The following ATOSA variants were observed in gnomAD, a reference collection of about 807,000 sequenced individuals.
ATOSA encodes the protein atos homolog protein A.
At chr15:52,600,254 A>G in the ATOSA span, 2 of 1,484,216 alleles carry the variant, frequency 1.3e-6, no homozygotes, top group Non-Finnish European at 1.9e-6. Context: ...AAAACAAATC[A>G]GCAAAAGAAC....
chr15:52,633,587 G>A, the ATOSA span, among the ~76,000 whole-genome samples: 6 of 151,978 alleles, frequency 3.9e-5, no homozygotes, highest in African/African-American at 1.2e-4. Flanking sequence ...CACACAGAAA[G>A]CAAGCGCCAG....
the ATOSA span, among the ~76,000 whole-genome samples, chr15:52,613,498 C>A: frequency 6.6e-6 from 1 of 152,182 alleles, no homozygotes; most frequent in Non-Finnish European, 1.5e-5. Context: ...CTTCAAGAGC[C>A]TCATTTGAGA....
the ATOSA span, among the ~76,000 whole-genome samples, chr15:52,654,582 G>T: frequency 0.01 from 1,572 of 152,104 alleles, 26 homozygotes; most frequent in African/African-American, 0.036. Context: ...CTGCTCCTCC[G>T]GAACACACTT....
the ATOSA span, among the ~76,000 whole-genome samples, chr15:52,631,978 C>T: frequency 2.6e-4 from 40 of 152,072 alleles, no homozygotes; most frequent in African/African-American, 8.9e-4. Context: ...TGGCCTCAAG[C>T]GATCCTCCAG....
At chr15:52,594,335 A>C in the ATOSA span, among the ~76,000 whole-genome samples, 2 of 152,190 alleles carry the variant, frequency 1.3e-5, no homozygotes, top group Non-Finnish European at 2.9e-5. Context: ...CTCCTTATCC[A>C]TCCCTCCCCC....
At chr15:52,583,491 T>C in the ATOSA span, among the ~76,000 whole-genome samples, 1 of 152,266 alleles carries the variant, frequency 6.6e-6, no homozygotes, top group African/African-American at 2.4e-5. Flanking sequence ...GTTCAAGTGA[T>C]TCTCCTGCCT....
At chr15:52,606,674 A>G in the ATOSA span, among the ~76,000 whole-genome samples, 1 of 152,204 alleles carries the variant, frequency 6.6e-6, no homozygotes, top group African/African-American at 2.4e-5. Flanking sequence ...AGATCATAAG[A>G]ACCGAACATT....
the ATOSA span, among the ~76,000 whole-genome samples, chr15:52,607,526 G>A: frequency 6.6e-6 from 1 of 152,136 alleles, no homozygotes; most frequent in African/African-American, 2.4e-5. Context: ...TCAAGAGACT[G>A]GGGTGGGGGC....
At chr15:52,628,486 A>G in the ATOSA span, among the ~76,000 whole-genome samples, 2 of 152,204 alleles carry the variant, frequency 1.3e-5, no homozygotes, top group Non-Finnish European at 2.9e-5. Flanking sequence ...TAAAATGGGT[A>G]CTAATACCTT....
At chr15:52,674,883 G>C in the ATOSA span, among the ~76,000 whole-genome samples, 1 of 150,462 alleles carries the variant, frequency 6.6e-6, no homozygotes, top group African/African-American at 2.4e-5. Context: ...CAATATATAA[G>C]CATTTGTAAT....
the ATOSA span, among the ~76,000 whole-genome samples, chr15:52,691,455 A>C: frequency 5.3e-5 from 8 of 152,244 alleles, no homozygotes; most frequent in African/African-American, 1.9e-4. Context: ...TATCAGGTTT[A>C]TATGTAATTT....
At chr15:52,602,079 T>C in the ATOSA span, among the ~76,000 whole-genome samples, 1 of 152,236 alleles carries the variant, frequency 6.6e-6, no homozygotes, top group Non-Finnish European at 1.5e-5. Context: ...GAACATCTCA[T>C]TCTCTTTATG....
chr15:52,698,333 G>A, the ATOSA span, among the ~76,000 whole-genome samples: 3 of 151,994 alleles, frequency 2.0e-5, no homozygotes, highest in Admixed American at 1.3e-4. Context: ...TGATACAATT[G>A]TTTTGAAAAA....
the ATOSA span, among the ~76,000 whole-genome samples, chr15:52,597,639 G>T: frequency 1.3e-5 from 2 of 152,134 alleles, no homozygotes; most frequent in African/African-American, 4.8e-5. Context: ...ATTTCCAATG[G>T]TTGTATTATG....
chr15:52,585,877 T>C, the ATOSA span: 1 of 152,170 alleles, frequency 6.6e-6, no homozygotes, highest in Non-Finnish European at 1.5e-5. Context: ...ATGAGAAATA[T>C]ATCAATATCA....
the ATOSA span, among the ~76,000 whole-genome samples, chr15:52,644,761 C>T: frequency 4.9e-4 from 74 of 152,086 alleles, no homozygotes; most frequent in African/African-American, 1.6e-3. Flanking sequence ...AATGATTAGG[C>T]AATCACTAAA....
At chr15:52,651,807 T>C in the ATOSA span, 1 of 1,488,548 alleles carries the variant, frequency 6.7e-7, no homozygotes, top group Non-Finnish European at 9.0e-7. Context: ...AGCCAACTGG[T>C]AAACAGCTAC....
chr15:52,610,468 T>C, the ATOSA span: 1 of 1,395,234 alleles, frequency 7.2e-7, no homozygotes, highest in Non-Finnish European at 9.6e-7. Flanking sequence ...TGTAAAGCAG[T>C]CATACACTTA....
At chr15:52,627,070 T>C in the ATOSA span, among the ~76,000 whole-genome samples, 6 of 152,330 alleles carry the variant, frequency 3.9e-5, no homozygotes, top group East Asian at 9.6e-4. Flanking sequence ...CCCCTATTTT[T>C]GTCAATGAGA....
Sources: gnomAD v4.1 joint callset for allele counts (sites outside exome capture counted in the v4.1 genomes callset) on GRCh38, gnomAD v4.1.1 for gene constraint, MANE v1.5 for transcripts, NCBI Gene and HGNC (gene_info 2026-07-23, HGNC 2026-07-21) for gene names.